The following RARB variants were observed in gnomAD, a reference collection of about 807,000 sequenced individuals.
The protein encoded by RARB is HBV-activated protein.
RARB carries 17 observed loss-of-function variants against 51.9 expected under a neutral mutation model. That is an observed-to-expected ratio of 0.33 (90% CI 0.22 to 0.49). RARB has a LOEUF of 0.49. Ranked by LOEUF, RARB falls within the 20% of genes least tolerant of loss-of-function variation. RARB has a pLI of 0.99. For missense variants in RARB, 369 were observed against 550.8 expected (o/e 0.67, Z 3.30); for synonymous variants, 215 against 195.4 (o/e 1.10, Z -0.84).
intron 2 of RARB, among the ~76,000 whole-genome samples, chr3:25,466,060 T>G (rs1695415719): frequency 6.6e-6 from 1 of 152,234 alleles, no homozygotes; most frequent in Non-Finnish European, 1.5e-5. Flanking sequence ...GGGGGTGATA[T>G]TACCTACCTC....
intron 3 of RARB, among the ~76,000 whole-genome samples, chr3:25,102,367 C>A (rs562473660): frequency 1.3e-5 from 2 of 151,894 alleles, no homozygotes; most frequent in South Asian, 2.1e-4. Context: ...ATGGTGCAAC[C>A]CTGTCTCTAC....
At chr3:25,018,549 G>A (rs1304998377) in intron 2 of RARB, among the ~76,000 whole-genome samples, 2 of 152,156 alleles carry the variant, frequency 1.3e-5, no homozygotes, top group Non-Finnish European at 2.9e-5. Flanking sequence ...TTTGAAGGCT[G>A]TCACTAATAA....
At chr3:25,176,943 C>CA (rs1011938068) in intron 5 of RARB, among the ~76,000 whole-genome samples, 4 of 151,632 alleles carry the variant, frequency 2.6e-5, no homozygotes, top group African/African-American at 7.3e-5. Context: ...GTTTGAAGTT[C>CA]AAAAAAAGGG....
At chr3:25,501,353 T>C in intron 3 of RARB, 30 bp downstream of exon 3, 1 of 1,603,990 alleles carries the variant, frequency 6.2e-7, no homozygotes, top group Non-Finnish European at 8.5e-7. Context: ...ACTTTTTCCC[T>C]GTTTTCCTTA....
At chr3:25,522,005 CCT>C (rs967768686) in intron 3 of RARB, among the ~76,000 whole-genome samples, 5 of 113,820 alleles carry the variant, frequency 4.4e-5, no homozygotes, top group Non-Finnish European at 8.3e-5. Context: ...TCATATGTCA[CCT>C]TTTTATATGG....
chr3:25,211,541 G>T (rs1701697755), intron 5 of RARB, among the ~76,000 whole-genome samples: 1 of 152,206 alleles, frequency 6.6e-6, no homozygotes, highest in Non-Finnish European at 1.5e-5. Context: ...ACATTTTCTT[G>T]TAGAATGAAA....
chr3:24,998,364 A>T (rs1042366609), intron 2 of RARB, among the ~76,000 whole-genome samples: 2 of 151,828 alleles, frequency 1.3e-5, no homozygotes, highest in African/African-American at 4.8e-5. Context: ...TTGTTAACAC[A>T]GGAAGCTGGA....
intron 5 of RARB, among the ~76,000 whole-genome samples, chr3:25,288,941 C>T (rs60889135): frequency 0.036 from 5,535 of 152,224 alleles, 95 homozygotes; most frequent in Middle Eastern, 0.065. Context: ...ATTTCCCAGC[C>T]CTCATACTTC....
chr3:25,027,966 G>A (rs1033480970), intron 2 of RARB, among the ~76,000 whole-genome samples: 1 of 89,230 alleles, frequency 1.1e-5, no homozygotes, highest in East Asian at 6.0e-4. Flanking sequence ...GCCTTCATTG[G>A]CTCATGGATT....
At chr3:25,048,679 T>A (rs1698264797) in intron 2 of RARB, among the ~76,000 whole-genome samples, 1 of 152,024 alleles carries the variant, frequency 6.6e-6, no homozygotes, top group South Asian at 2.1e-4. Flanking sequence ...TTGCTAGGGT[T>A]CATCTGGCCA....
intron 2 of RARB, among the ~76,000 whole-genome samples, chr3:25,047,979 T>A (rs530672786): frequency 1.3e-5 from 2 of 152,300 alleles, no homozygotes; most frequent in East Asian, 3.9e-4. Flanking sequence ...TCTCATGAGA[T>A]CTGATGGTTT....
At chr3:25,289,814 T>A (rs1559345632) in intron 5 of RARB, among the ~76,000 whole-genome samples, 1 of 152,216 alleles carries the variant, frequency 6.6e-6, no homozygotes. Flanking sequence ...TCATAGATAA[T>A]TTTTGGAAAT....
chr3:25,548,103 T>C (rs79989706), intron 3 of RARB, among the ~76,000 whole-genome samples: 4 of 71,872 alleles, frequency 5.6e-5, no homozygotes, highest in Non-Finnish European at 1.2e-4. Flanking sequence ...TCATTTGGCT[T>C]TTTTTTTTTT....
chr3:24,907,133 AC>A (rs1013978924), intron 2 of RARB, among the ~76,000 whole-genome samples: 14 of 152,284 alleles, frequency 9.2e-5, no homozygotes, highest in African/African-American at 3.1e-4. Context: ...TAGAATACTT[AC>A]GGTAGTTGAA....
chr3:25,137,329 A>C (rs1196410452), intron 4 of RARB, among the ~76,000 whole-genome samples: 1 of 152,046 alleles, frequency 6.6e-6, no homozygotes. Flanking sequence ...ATATATTTTC[A>C]TTTCAATGGT....
In RARB at chr3:24,843,026, C is replaced by T. The variant is rs1702439009; in HGVS notation, c.-459+13623C>T. Reference sequence around the variant, plus strand: ...CCTTTGCTCTGACATGACAGAAATCCATCACCTTCTTGATACTGATACCTG... The same window carrying T: ...CCTTTGCTCTGACATGACAGAAATCTATCACCTTCTTGATACTGATACCTG... On this transcript the variant is annotated intron_variant, in intron 1 of 11. Coordinates refer to the RARB transcript ENST00000383772. Among the ~76,000 whole-genome samples the T allele has an allele frequency of 2.6e-5, 4 of 152,186 alleles. No homozygotes were observed. In the South Asian group the frequency reaches 6.2e-4, roughly 24 times the overall value.
intron 5 of RARB, among the ~76,000 whole-genome samples, chr3:25,194,551 T>G (rs2125365929): frequency 6.6e-6 from 1 of 150,962 alleles, no homozygotes; most frequent in African/African-American, 2.4e-5. Context: ...TATATCATGT[T>G]GTACACCTTA....
intron 1 of RARB, among the ~76,000 whole-genome samples, chr3:24,840,152 A>T (rs1702401727): frequency 6.6e-6 from 1 of 152,214 alleles, no homozygotes; most frequent in Admixed American, 6.5e-5. Flanking sequence ...TAAATGGATG[A>T]TACTTTTAAA....
At chr3:25,522,674 G>A (rs996691322) in intron 3 of RARB, among the ~76,000 whole-genome samples, 7 of 152,096 alleles carry the variant, frequency 4.6e-5, no homozygotes, top group African/African-American at 1.7e-4. Context: ...GAAAGGCTTG[G>A]CCCAGACTCA....
Sources: gnomAD v4.1 joint callset for allele counts (sites outside exome capture counted in the v4.1 genomes callset) on GRCh38, gnomAD v4.1.1 for gene constraint, MANE v1.5 for transcripts, NCBI Gene and HGNC (gene_info 2026-07-23, HGNC 2026-07-21) for gene names.